FAM169A: variants seen among roughly 807,000 people sequenced by gnomAD.
FAM169A encodes the protein soluble lamin-associated protein of 75 kDa.
In FAM169A, 24 loss-of-function variants were observed where a neutral mutation model predicts 75.7. The ratio of observed to expected loss-of-function variants is 0.32; its 90% CI spans 0.23 to 0.45. The LOEUF (loss-of-function observed/expected upper bound fraction) is 0.45. Ranked by LOEUF, FAM169A falls within the 20% of genes least tolerant of loss-of-function variation. FAM169A has a pLI of 1.00. For missense variants in FAM169A, 673 were observed against 784.0 expected (o/e 0.86, Z 1.69); for synonymous variants, 271 against 271.0 (o/e 1.00, Z 0.00).
In FAM169A at chr5:74,834,861, A is replaced by G. The variant is rs542154243; in HGVS notation, c.319-264T>C. 4.5e-4 allele frequency among the ~76,000 whole-genome samples: 69 copies of G among 152,138 alleles called. 1 individual carries two copies. The highest frequency in any genetic ancestry group is 1.6e-4 in the Non-Finnish European group (11 of 68,030). ...AAATCGGGCAAAAAACAGGTCCCCA[A>G]TGTACCAATCCCGAGCATGTCTTTC... On this transcript the variant is annotated intron_variant, in intron 4 of 12. Transcript: ENST00000687041.
chr5:74,799,498 TTTTCTTCCTACATTA>T, intron 10 of FAM169A: 1 of 1,593,762 alleles, frequency 6.3e-7, no homozygotes, highest in Non-Finnish European at 8.6e-7. Context: ...ACACAGAGTG[TTTTCTTCCTACATTA>T]AAGAAGTGGA....
intron 5 of FAM169A, among the ~76,000 whole-genome samples, chr5:74,825,204 G>C (rs1436341542): frequency 6.6e-6 from 1 of 152,020 alleles, no homozygotes; most frequent in African/African-American, 2.4e-5. Flanking sequence ...AAATACATCA[G>C]GTATTCTATG....
At chr5:74,853,340 C>T (rs943366123) in intron 1 of FAM169A, among the ~76,000 whole-genome samples, 3 of 152,168 alleles carry the variant, frequency 2.0e-5, no homozygotes, top group Non-Finnish European at 2.9e-5. Context: ...TGTGTTGAAA[C>T]ACTCTACACA....
chr5:74,796,178 G>A lies in FAM169A; in HGVS notation c.1112C>T (p.Ser371Phe), dbSNP rs1746265116. 3 of 1,604,472 alleles carry A rather than the reference G, an allele frequency of 1.9e-6. No individual in the cohort carries two copies. Among genetic ancestry groups the A allele is most frequent in the Non-Finnish European group, 2.5e-6 (3 of 1,177,512 alleles). The part of the protein sequence containing the change: ...SLTASINKLE[S>F]TARPSESSEE... ...TGAGCTCTCTGATGGGCGTGCAGTA[G>A]ACTCCAATCTAAAAAACAAAAGAAA... is the stretch of plus-strand genomic sequence containing the variant. Residue 371 changes from serine (S) to phenylalanine (F), a missense_variant, in exon 11 of 13, where the codon TCT becomes TTT. Physicochemically the swap from Ser to Phe is radical, Grantham distance 155. Coordinates refer to ENST00000687041, the MANE Select transcript of FAM169A (RefSeq NM_001376049.1).
intron 1 of FAM169A, among the ~76,000 whole-genome samples, chr5:74,845,965 C>A (rs1232613285): frequency 6.6e-6 from 1 of 152,082 alleles, no homozygotes; most frequent in Non-Finnish European, 1.5e-5. Context: ...CTAACAATTC[C>A]AATGAAGATT....
rs537051942 is a variant in FAM169A, at chr5:74,803,404, G to T, written c.912+1089C>A. ...AAGAATCTAACTCCTTACATATATTGTTATTCTTAAAAATGTTTACAAATT... is the reference window on the plus strand; with the variant it reads ...AAGAATCTAACTCCTTACATATATTTTTATTCTTAAAAATGTTTACAAATT... On this transcript the variant is annotated intron_variant, in intron 8 of 12. Coordinates refer to ENST00000687041, the MANE Select transcript of FAM169A (RefSeq NM_001376049.1). Among the ~76,000 whole-genome samples, 16 of 152,116 alleles carry T rather than the reference G, an allele frequency of 1.1e-4. No individual in the cohort carries two copies. The South Asian group carries it at 3.1e-3, about 30-fold the overall frequency.
chr5:74,852,728 A>G (rs1313752183), intron 1 of FAM169A, among the ~76,000 whole-genome samples: 2 of 152,056 alleles, frequency 1.3e-5, no homozygotes, highest in African/African-American at 4.8e-5. Context: ...TACTAGGAAA[A>G]TAAATTAAGG....
chr5:74,786,279 C>A (rs996851095), intron 11 of FAM169A, among the ~76,000 whole-genome samples: 1 of 152,148 alleles, frequency 6.6e-6, no homozygotes, highest in Non-Finnish European at 1.5e-5. Context: ...ATACATCTGT[C>A]CTATTAGTTC....
chr5:74,836,196 A>G (rs971093616), intron 4 of FAM169A, among the ~76,000 whole-genome samples: 2 of 152,212 alleles, frequency 1.3e-5, no homozygotes, highest in Non-Finnish European at 2.9e-5. Flanking sequence ...CTGCTAATTA[A>G]TTAAAGCCCA....
intron 5 of FAM169A, among the ~76,000 whole-genome samples, chr5:74,814,476 T>G (rs1451941526): frequency 6.6e-6 from 1 of 152,150 alleles, no homozygotes; most frequent in Non-Finnish European, 1.5e-5. Flanking sequence ...CATTCATATT[T>G]TCCCTCTACA....
chr5:74,808,285 C>T (rs1255547297), intron 6 of FAM169A, among the ~76,000 whole-genome samples: 3 of 152,066 alleles, frequency 2.0e-5, no homozygotes, highest in Non-Finnish European at 4.4e-5. Context: ...GAATACTATC[C>T]AGCCATAAAA....
chr5:74,800,912 G>T lies in FAM169A; in HGVS notation c.1071C>A (p.Thr357=). 8.0e-6 allele frequency: 12 copies of T among 1,502,380 alleles called. No individual in the cohort carries two copies. Among genetic ancestry groups the T allele is most frequent in the Non-Finnish European group, 1.1e-5 (12 of 1,121,702 alleles). The allele number at this position is 1,502,380 out of a possible 1,614,324, so 93.1% of individuals were successfully genotyped here. ...TTGAAGCTGTAAGTGAAGTCTGGGA[G>T]GTCTTTTCATCTTCACCTTGAGAAC... ...FSSSQGEDEK[T]SQTSLTASIN... Residue 357 remains threonine, a synonymous_variant, in exon 10 of 13, where the codon ACC becomes ACA. Coordinates refer to ENST00000687041, the MANE Select transcript of FAM169A (RefSeq NM_001376049.1).
At chr5:74,809,437 A>G (rs1747056190) in intron 6 of FAM169A, among the ~76,000 whole-genome samples, 1 of 152,160 alleles carries the variant, frequency 6.6e-6, no homozygotes, top group Non-Finnish European at 1.5e-5. Context: ...TACTAAAAAA[A>G]TACAAAAAAT....
At chr5:74,817,072 C>G (rs1747507540) in intron 5 of FAM169A, among the ~76,000 whole-genome samples, 1 of 151,952 alleles carries the variant, frequency 6.6e-6, no homozygotes, top group Non-Finnish European at 1.5e-5. Flanking sequence ...AGGGCATCTA[C>G]AAAAAAACCA....
intron 7 of FAM169A, among the ~76,000 whole-genome samples, chr5:74,804,855 C>T (rs948840087): frequency 5.3e-5 from 8 of 152,104 alleles, no homozygotes; most frequent in Non-Finnish European, 8.8e-5. Flanking sequence ...ACTTTGGACC[C>T]CCTGGTGCCT....
intron 11 of FAM169A, among the ~76,000 whole-genome samples, chr5:74,785,535 G>A (rs542957530): frequency 6.6e-6 from 1 of 152,296 alleles, no homozygotes; most frequent in East Asian, 1.9e-4. Context: ...GCAGAGGGGA[G>A]AGGATCACTT....
At chr5:74,857,571 G>GAAAAAAAAAAAAAAAAA (rs1561328873) in intron 1 of FAM169A, among the ~76,000 whole-genome samples, 2 of 65,746 alleles carry the variant, frequency 3.0e-5, no homozygotes, top group Admixed American at 1.6e-4. Flanking sequence ...CCTTGCCGCG[G>GAAAAAAAAAAAAAAAAA]GAAAAAAAAA....
chr5:74,859,899 G>C (rs1270780602), intron 1 of FAM169A, among the ~76,000 whole-genome samples: 1 of 152,058 alleles, frequency 6.6e-6, no homozygotes, highest in African/African-American at 2.4e-5. Context: ...ATGGTACATG[G>C]GGTGGGTGTA....
At chr5:74,805,782 G>A (rs1361555714) in intron 6 of FAM169A, among the ~76,000 whole-genome samples, 1 of 151,566 alleles carries the variant, frequency 6.6e-6, no homozygotes, top group East Asian at 1.9e-4. Flanking sequence ...TAAAAAGATT[G>A]TCAGACTCAA....
Sources: gnomAD v4.1 joint callset for allele counts (sites outside exome capture counted in the v4.1 genomes callset) on GRCh38, gnomAD v4.1.1 for gene constraint, MANE v1.5 for transcripts, NCBI Gene and HGNC (gene_info 2026-07-23, HGNC 2026-07-21) for gene names.